HADH: variants seen among roughly 807,000 people sequenced by gnomAD.
The protein encoded by HADH is hydroxyacyl-CoA dehydrogenase, also known as hydroxyacyl-coenzyme A dehydrogenase, mitochondrial.
HADH carries 24 observed loss-of-function variants against 32.2 expected under a neutral mutation model. That is an observed-to-expected ratio of 0.75 (90% CI 0.54 to 1.05). The LOEUF (loss-of-function observed/expected upper bound fraction) is 1.05, where lower values mean the gene tolerates loss of function less well. Ranked by LOEUF, HADH falls within the 50% of genes least tolerant of loss-of-function variation. The probability of loss-of-function intolerance (pLI) is 0.00; values close to 1 mark genes in which losing one functional copy is unlikely to be tolerated. For synonymous variants in HADH, 139 were observed against 152.5 expected (o/e 0.91, Z 0.65); for missense variants, 350 against 397.1 (o/e 0.88, Z 1.01).
chr4:107,992,077 T>C (rs1378058906), intron 1 of HADH, among the ~76,000 whole-genome samples: 2 of 152,232 alleles, frequency 1.3e-5, no homozygotes, highest in Non-Finnish European at 2.9e-5. Flanking sequence ...GGTATGGTGT[T>C]GGAGCTTTCA....
At chr4:108,027,377 T>C (rs981773601) in intron 5 of HADH, 6 of 450,202 alleles carry the variant, frequency 1.3e-5, no homozygotes, top group Non-Finnish European at 2.5e-5. Flanking sequence ...AAGAGAGTAT[T>C]CAAGATTGAA....
In HADH at chr4:108,009,803, A is replaced by T. The variant is rs747347430; in HGVS notation, c.177A>T (p.Thr59=). ...ACACAGTAGTGTTGGTAGACCAGAC[A>T]GAGGACATCCTGGCAAAATCCAAAA... is the stretch of plus-strand genomic sequence containing the variant. ...TGHTVVLVDQ[T]EDILAKSKKG... The change falls in exon 2 of 8, where the codon ACA becomes ACT. Residue 59 remains threonine, a synonymous_variant. Coordinates refer to ENST00000309522, the MANE Select transcript of HADH (RefSeq NM_005327.7). The T allele has an allele frequency of 5.0e-6, 8 of 1,611,294 alleles. No individual in the cohort carries two copies. Among genetic ancestry groups the T allele is most frequent in the Non-Finnish European group, 6.8e-6 (8 of 1,177,418 alleles).
At chr4:108,031,192 A>T (rs1016735064) in intron 6 of HADH, 19 of 152,270 alleles carry the variant, frequency 1.2e-4, no homozygotes, top group Non-Finnish European at 2.5e-4. Context: ...GTGGAGAAGA[A>T]GATAGTAAGG....
intron 1 of HADH, chr4:108,004,912 A>G: frequency 6.5e-7 from 1 of 1,535,276 alleles, no homozygotes; most frequent in Non-Finnish European, 8.7e-7. Flanking sequence ...GGCTATTGTT[A>G]AAGAGGTAAG....
At chr4:108,002,801 A>G (rs562292066) in intron 1 of HADH, among the ~76,000 whole-genome samples, 1 of 152,314 alleles carries the variant, frequency 6.6e-6, no homozygotes, top group Admixed American at 6.5e-5. Flanking sequence ...GTATTTTGTT[A>G]TAGCAGCACT....
At chr4:108,003,361 T>C (rs1486819492) in intron 1 of HADH, among the ~76,000 whole-genome samples, 1 of 152,166 alleles carries the variant, frequency 6.6e-6, no homozygotes, top group Non-Finnish European at 1.5e-5. Flanking sequence ...ATCCCATTCA[T>C]GAGGGAGGAG....
intron 1 of HADH, chr4:108,004,602 C>G (rs1735229575): frequency 6.9e-7 from 1 of 1,451,232 alleles, no homozygotes; most frequent in African/African-American, 1.4e-5. Context: ...TTGAAGAACC[C>G]CAGATTTTAT....
Position 108,034,264 on chromosome 4 carries a change from C to T in HADH, c.852C>T (p.Asn284=). 1 of 1,610,530 alleles carries T rather than the reference C, an allele frequency of 6.2e-7. No individual in the cohort carries two copies. The highest frequency in any genetic ancestry group is 8.5e-7 in the Non-Finnish European group (1 of 1,176,696). The change falls in exon 8 of 8, where the codon AAC becomes AAT. Residue 284 remains asparagine, a synonymous_variant. Coordinates refer to ENST00000309522, the MANE Select transcript of HADH (RefSeq NM_005327.7). ...GGTGGCATGAAATGGATGCAGAGAA[C>T]CCATTACATCAGCCCAGCCCATCCT... ...VDGWHEMDAE[N]PLHQPSPSLN... is the part of the protein sequence containing the mutation.
intron 1 of HADH, among the ~76,000 whole-genome samples, chr4:108,006,575 G>C (rs1735300478): frequency 6.6e-6 from 1 of 152,274 alleles, no homozygotes; most frequent in Non-Finnish European, 1.5e-5. Flanking sequence ...TGGAAGGCTT[G>C]CTAAACCACA....
intron 1 of HADH, chr4:108,004,884 C>G: frequency 6.5e-7 from 1 of 1,535,894 alleles, no homozygotes. Context: ...AGCTTGGAGG[C>G]TGGAAGCCCA....
At chr4:108,016,427 A>G (rs1735696546) in intron 3 of HADH, among the ~76,000 whole-genome samples, 1 of 152,160 alleles carries the variant, frequency 6.6e-6, no homozygotes, top group Non-Finnish European at 1.5e-5. Context: ...ATCACTGCCA[A>G]TCAGTGTCCT....
At chr4:108,008,662 A>G (rs1246258109) in intron 1 of HADH, among the ~76,000 whole-genome samples, 1 of 152,092 alleles carries the variant, frequency 6.6e-6, no homozygotes, top group South Asian at 2.1e-4. Flanking sequence ...ATTCCAGATA[A>G]CTTGCCCCTC....
intron 5 of HADH, chr4:108,024,145 A>T (rs997512602): frequency 6.5e-6 from 1 of 153,498 alleles, no homozygotes; most frequent in African/African-American, 2.4e-5. Context: ...TAAGCTGCCC[A>T]GTTATTGTAT....
At chr4:108,005,162 G>A (rs998047663) in intron 1 of HADH, 8 of 299,134 alleles carry the variant, frequency 2.7e-5, no homozygotes, top group Admixed American at 2.3e-4. Context: ...TTCAAACTAG[G>A]GTCTTTGGGG....
intron 4 of HADH, among the ~76,000 whole-genome samples, chr4:108,020,446 G>C (rs1735844564): frequency 6.6e-6 from 1 of 152,184 alleles, no homozygotes; most frequent in Non-Finnish European, 1.5e-5. Context: ...CTCCAGCCTG[G>C]ATGACAGAGC....
intron 2 of HADH, among the ~76,000 whole-genome samples, chr4:108,011,227 CT>C (rs1453245807): frequency 6.6e-6 from 1 of 152,162 alleles, no homozygotes; most frequent in African/African-American, 2.4e-5. Context: ...ATTTATACCA[CT>C]TTTTTTTAAC....
chr4:108,021,273 TTAA>T (rs1360647900), intron 4 of HADH, among the ~76,000 whole-genome samples: 6 of 152,254 alleles, frequency 3.9e-5, no homozygotes, highest in Non-Finnish European at 8.8e-5. Flanking sequence ...TAGATTTACT[TTAA>T]TAATGTTTTC....
At chr4:108,008,119 AG>A (rs920601372) in intron 1 of HADH, among the ~76,000 whole-genome samples, 1 of 152,196 alleles carries the variant, frequency 6.6e-6, no homozygotes, top group African/African-American at 2.4e-5. Flanking sequence ...GTTGCCACTT[AG>A]GGGAAAACCT....
In HADH at chr4:108,015,301, G is replaced by A. The variant is rs150766416; in HGVS notation, c.419+713G>A. Among the ~76,000 whole-genome samples, 761 of 152,258 alleles carry A rather than the reference G, an allele frequency of 5.0e-3. 7 individuals are homozygous for A. The highest frequency in any genetic ancestry group is 0.018 in the African/African-American group (733 of 41,548). On this transcript the variant is annotated intron_variant, in intron 3 of 7. Coordinates refer to ENST00000309522, the MANE Select transcript of HADH (RefSeq NM_005327.7). ...ATTCTCACCAACATCTGTTGGTTTTGACTTTTTAATAAAAGCCATTCTGAC... is the reference window on the plus strand; with the variant it reads ...ATTCTCACCAACATCTGTTGGTTTTAACTTTTTAATAAAAGCCATTCTGAC...
Sources: gnomAD v4.1 joint callset for allele counts (sites outside exome capture counted in the v4.1 genomes callset) on GRCh38, gnomAD v4.1.1 for gene constraint, MANE v1.5 for transcripts, NCBI Gene and HGNC (gene_info 2026-07-23, HGNC 2026-07-21) for gene names.